ONECUT3: variants seen among roughly 807,000 people sequenced by gnomAD.
The protein encoded by ONECUT3 is one cut domain family member 3.
ONECUT3 carries 11 observed loss-of-function variants against 16.8 expected under a neutral mutation model. The ratio of observed to expected loss-of-function variants is 0.66; its 90% CI spans 0.41 to 1.09. The LOEUF (loss-of-function observed/expected upper bound fraction) is 1.09, where lower values mean the gene tolerates loss of function less well. Among genes scored for constraint, ONECUT3 ranks in the 50% least tolerant of loss-of-function variants. The pLI, the probability that ONECUT3 is intolerant of heterozygous loss-of-function variation, is 0.00. For missense variants in ONECUT3, 637 were observed against 629.9 expected, an observed-to-expected ratio of 1.01 and a Z score of -0.12; for synonymous variants, 344 against 310.7, an observed-to-expected ratio of 1.11 and a Z score of -1.13.
In ONECUT3 at chr19:1,758,619, C is replaced by T. The variant is rs1417528874; in HGVS notation, c.1192+3765C>T. On this transcript the variant is annotated intron_variant, in intron 1 of 1. Transcript: ENST00000382349. The surrounding 1 kb of genome is among the most constrained non-coding windows in gnomAD (Gnocchi z 5.9). ...TTCTGGACCCCGTCGTCTGGGAGTCCTGCAGCCCCCAAGCCCATTCCCATG... is the reference window on the plus strand; with the variant it reads ...TTCTGGACCCCGTCGTCTGGGAGTCTTGCAGCCCCCAAGCCCATTCCCATG... Among the ~76,000 whole-genome samples, 1 of 152,184 alleles carries T rather than the reference C, an allele frequency of 6.6e-6. No individual in the cohort carries two copies. The highest frequency in any genetic ancestry group is 1.5e-5 in the Non-Finnish European group (1 of 68,044).
chr19:1,759,058 G>A lies in ONECUT3; in HGVS notation c.1192+4204G>A, dbSNP rs897733151. Among the ~76,000 whole-genome samples the A allele has an allele frequency of 1.3e-5, 2 of 152,188 alleles. No homozygotes were observed. Among genetic ancestry groups the A allele is most frequent in the Non-Finnish European group, 2.9e-5 (2 of 67,978 alleles). On this transcript the variant is annotated intron_variant, in intron 1 of 1. Transcript: ENST00000382349. This position sits in a 1 kb window ranked among gnomAD's most constrained non-coding sequence, Gnocchi z 4.1. ...AGGGATGGTGGAGCCCAGCATGGAG[G>A]AAACTGAGGCAGGGAGGACCCCCCA...
rs1002594731 is a variant in ONECUT3, at chr19:1,777,657, G to A, written c.*2212G>A. 1 of 152,160 alleles carries A rather than the reference G, an allele frequency of 6.6e-6. No homozygotes were observed. Among genetic ancestry groups the A allele is most frequent in the Non-Finnish European group, 1.5e-5 (1 of 68,054 alleles). 9.4% of individuals were successfully genotyped at this position (152,160 alleles called of 1,614,324 possible). A position where few individuals can be genotyped will look rare whatever the true frequency, so the allele number is the denominator to read the frequency against. The stretch of plus-strand genomic sequence containing the variant: ...TCCAGGCCGGACTGACGTAGCCTAT[G>A]GGCCCAGCAGGTCCAGGGCCCACGT... On this transcript the variant is annotated 3_prime_UTR_variant, in exon 2 of 2. Transcript: ENST00000382349.
chr19:1,753,693 C>G lies in ONECUT3; in HGVS notation c.31C>G (p.Leu11Val). 1 of 1,050,118 alleles carries G rather than the reference C, an allele frequency of 9.5e-7. No homozygotes were observed. The highest frequency in any genetic ancestry group is 1.7e-5 in the African/African-American group (1 of 58,222). 65.1% of individuals were successfully genotyped at this position (1,050,118 alleles called of 1,614,324 possible). Residue 11 changes from leucine to valine, a missense_variant, in exon 1 of 2, where the codon CTG (leucine) becomes GTG (valine). By Grantham distance (32) the Leu-to-Val change is conservative. Around this residue, in one of 3 missense-constraint regions of ONECUT3, gnomAD observed 419 missense variants for 377.9 expected, o/e 1.11. Coordinates refer to ENST00000382349, the MANE Select transcript of ONECUT3 (RefSeq NM_001080488.2). Reference protein sequence around the residue: MELSLESLGGLHSVAHAQAGE... With the variant: MELSLESLGGVHSVAHAQAGE... ...GCTGAGCCTGGAGAGCCTGGGGGGC[C>G]TGCACAGCGTGGCCCACGCGCAGGC...
Position 1,775,441 on chromosome 19 carries a change from C to G in ONECUT3, c.1481C>G (p.Ala494Gly). The change falls in exon 2 of 2, where the codon GCC becomes GGC. Residue 494 changes from alanine (A) to glycine (G), a missense_variant. Around this residue, in one of 3 missense-constraint regions of ONECUT3, gnomAD observed 183 missense variants for 188.3 expected, o/e 0.97. Transcript: ENST00000382349. ...PAGATATFSK[A>G] ...GGCGCCACGGCCACTTTCTCCAAGG[C>G]CTGAGGCGCCCCGGCCCCGCGCCCT... is the stretch of plus-strand genomic sequence containing the variant. The G allele has an allele frequency of 6.7e-7, 1 of 1,489,236 alleles. No homozygotes were observed. Among genetic ancestry groups the G allele is most frequent in the Non-Finnish European group, 8.9e-7 (1 of 1,124,626 alleles). The allele number at this position is 1,489,236 out of a possible 1,614,324, so 92.3% of individuals were successfully genotyped here.
rs1278581192 is a variant in ONECUT3, at chr19:1,764,334, C to A, written c.1192+9480C>A. Among the ~76,000 whole-genome samples the A allele has an allele frequency of 6.6e-6, 1 of 152,168 alleles. No individual in the cohort carries two copies. Among genetic ancestry groups the A allele is most frequent in the Non-Finnish European group, 1.5e-5 (1 of 68,032 alleles). ...ACGAGGGAGGGACAGCCCGAGAGTC[C>A]AAGTGGAAATGCGTTTCCCGGTTAA... On this transcript the variant is annotated intron_variant, in intron 1 of 1. Coordinates refer to ENST00000382349, the MANE Select transcript of ONECUT3 (RefSeq NM_001080488.2). The surrounding 1 kb of genome is among the most constrained non-coding windows in gnomAD (Gnocchi z 5.0).
At chr19:1,767,204 C>T (rs924857762) in intron 1 of ONECUT3, among the ~76,000 whole-genome samples, 4 of 152,146 alleles carry the variant, frequency 2.6e-5, no homozygotes, top group South Asian at 2.1e-4. Context: ...AGGCAAGTGT[C>T]GCCCAGAGCC....
rs948858170 is a variant in ONECUT3, at chr19:1,762,801, G to A, written c.1192+7947G>A. Among the ~76,000 whole-genome samples, 1 of 142,016 alleles carries A rather than the reference G, an allele frequency of 7.0e-6. No homozygotes were observed. Among genetic ancestry groups the A allele is most frequent in the Non-Finnish European group, 1.5e-5 (1 of 66,860 alleles). 93.2% of individuals were successfully genotyped at this position (142,016 alleles called of 152,430 possible). ...CCAGGCGCGAGTGTTCTTCTTCCTT[G>A]TCTGGCGCCCCAGAACCGCGGCCGT... On this transcript the variant is annotated intron_variant, in intron 1 of 1. Coordinates refer to ENST00000382349, the MANE Select transcript of ONECUT3 (RefSeq NM_001080488.2). This position sits in a 1 kb window ranked among gnomAD's most constrained non-coding sequence, Gnocchi z 4.4.
chr19:1,772,982 C>T (rs10413379), intron 1 of ONECUT3, among the ~76,000 whole-genome samples: 5,888 of 151,252 alleles, frequency 0.039, 383 homozygotes, highest in African/African-American at 0.14. Flanking sequence ...GGATTACAGG[C>T]GTGAGCCACC....
rs2067907249 is a variant in ONECUT3, at chr19:1,754,622, G to A, written c.960G>A (p.Glu320=). 1 of 1,476,400 alleles carries A rather than the reference G, an allele frequency of 6.8e-7. No homozygotes were observed. Among genetic ancestry groups the A allele is most frequent in the South Asian group, 1.3e-5 (1 of 78,242 alleles). 91.5% of individuals were successfully genotyped at this position (1,476,400 alleles called of 1,614,324 possible). A position where few individuals can be genotyped will look rare whatever the true frequency, so the allele number is the denominator to read the frequency against. The change falls in exon 1 of 2, where the codon GAG becomes GAA. Residue 320 remains glutamate (E), a synonymous_variant. Transcript: ENST00000382349. The surrounding 1 kb of genome is among the most constrained non-coding windows in gnomAD (Gnocchi z 7.4). ...CCAGCGCGGGCGCAGCGGCCGAGGA[G>A]ATCAACACCAAGGAGGTGGCGCAGC... ...GGPSAGAAAE[E]INTKEVAQRI...
rs764212196 is a variant in ONECUT3, at chr19:1,754,727, G to A, written c.1065G>A (p.Thr355=). Residue 355 remains threonine (T), a synonymous_variant, in exon 1 of 2, where the codon ACG becomes ACA. Transcript: ENST00000382349. The surrounding 1 kb of genome is among the most constrained non-coding windows in gnomAD (Gnocchi z 7.4). ...GGATCCTGTGTCGCTCTCAGGGCACGCTCTCCGACCTGCTGCGCAACCCCA... is the reference window on the plus strand; with the variant it reads ...GGATCCTGTGTCGCTCTCAGGGCACACTCTCCGACCTGCTGCGCAACCCCA... ...AQRILCRSQG[T]LSDLLRNPKP... is the part of the protein sequence containing the mutation. 2 of 1,551,494 alleles carry A rather than the reference G, an allele frequency of 1.3e-6. No homozygotes were observed. Among genetic ancestry groups the A allele is most frequent in the African/African-American group, 1.4e-5 (1 of 71,708 alleles).
rs2068140459 is a variant in ONECUT3, at chr19:1,779,677, T to TGGGGGGC, written c.*4241_*4247dup. 9.9e-6 allele frequency: 1 copy of TGGGGGGC among 100,978 alleles called. No homozygotes were observed. Among genetic ancestry groups the TGGGGGGC allele is most frequent in the Non-Finnish European group, 2.0e-5 (1 of 49,340 alleles). The allele number at this position is 100,978 out of a possible 1,614,324, so 6.3% of individuals were successfully genotyped here. On this transcript the variant is annotated 3_prime_UTR_variant, in exon 2 of 2. Coordinates refer to ENST00000382349, the MANE Select transcript of ONECUT3 (RefSeq NM_001080488.2). ...GCTAATTGTAATAAAGTGGTCAGGG[T>TGGGGGGC]GGGGGGCGGGGGGCGTGGCCCGGTT...
chr19:1,769,298 T>C (rs1600353635), intron 1 of ONECUT3, among the ~76,000 whole-genome samples: 3 of 150,216 alleles, frequency 2.0e-5, no homozygotes, highest in African/African-American at 7.4e-5. Flanking sequence ...GAGGGTGTGA[T>C]GGGATAGCAC....
chr19:1,773,185 T>C (rs1312405941), intron 1 of ONECUT3, among the ~76,000 whole-genome samples: 6 of 152,092 alleles, frequency 3.9e-5, no homozygotes, highest in African/African-American at 1.4e-4. Context: ...AATTATAGCT[T>C]TGCCTGCCTT....
At chr19:1,756,686 C>T (rs990739702) in intron 1 of ONECUT3, among the ~76,000 whole-genome samples, 3 of 146,518 alleles carry the variant, frequency 2.0e-5, no homozygotes, top group Non-Finnish European at 3.0e-5. Flanking sequence ...CCCGCCACCA[C>T]GCCTGGCTAT....
rs1321419280 is a variant in ONECUT3, at chr19:1,764,524, G to T, written c.1192+9670G>T. Among the ~76,000 whole-genome samples the T allele has an allele frequency of 6.6e-6, 1 of 151,972 alleles. No homozygotes were observed. The highest frequency in any genetic ancestry group is 1.5e-5 in the Non-Finnish European group (1 of 67,976). On this transcript the variant is annotated intron_variant, in intron 1 of 1. Coordinates refer to ENST00000382349, the MANE Select transcript of ONECUT3 (RefSeq NM_001080488.2). The surrounding 1 kb of genome is among the most constrained non-coding windows in gnomAD (Gnocchi z 5.0). ...GAGATGTGGGCAGGGCAGGCATGGG[G>T]AGGGTAAGCCACCCAGAGTGGAGGG...
intron 1 of ONECUT3, among the ~76,000 whole-genome samples, chr19:1,761,704 G>A (rs943734588): frequency 1.3e-5 from 2 of 152,068 alleles, no homozygotes; most frequent in Non-Finnish European, 2.9e-5. Flanking sequence ...AGGGAGGGAA[G>A]CACTGGTGGG....
Position 1,758,514 on chromosome 19 carries a change from T to C in ONECUT3, c.1192+3660T>C, listed in dbSNP as rs907764288. On this transcript the variant is annotated intron_variant, in intron 1 of 1. Coordinates refer to ENST00000382349, the MANE Select transcript of ONECUT3 (RefSeq NM_001080488.2). This position sits in a 1 kb window ranked among gnomAD's most constrained non-coding sequence, Gnocchi z 5.9. Reference sequence around the variant, plus strand: ...GCAGACCTCGGAGTCCCGGCCCCACTGCCCGTTCTGCGTGCCTCAGTTTAC... The same window carrying C: ...GCAGACCTCGGAGTCCCGGCCCCACCGCCCGTTCTGCGTGCCTCAGTTTAC... Among the ~76,000 whole-genome samples the C allele has an allele frequency of 2.0e-5, 3 of 152,098 alleles. No homozygotes were observed. The highest frequency in any genetic ancestry group is 4.4e-5 in the Non-Finnish European group (3 of 68,008).
chr19:1,763,930 C>G (rs1049008656), intron 1 of ONECUT3, among the ~76,000 whole-genome samples: 1 of 152,128 alleles, frequency 6.6e-6, no homozygotes, highest in Non-Finnish European at 1.5e-5. Flanking sequence ...TTCGCGGTCA[C>G]CATAGCGGCT....
rs2145970780 is a variant in ONECUT3 at position 1,777,417 on chromosome 19, AAGACACGCATGC to A, written c.*1975_*1986del. The A allele has an allele frequency of 6.7e-6, 1 of 149,596 alleles. No homozygotes were observed. The highest frequency in any genetic ancestry group is 6.6e-5 in the Admixed American group (1 of 15,102). 9.3% of individuals were successfully genotyped at this position (149,596 alleles called of 1,614,324 possible). A position where few individuals can be genotyped will look rare whatever the true frequency, so the allele number is the denominator to read the frequency against. On this transcript the variant is annotated 3_prime_UTR_variant, in exon 2 of 2. Coordinates refer to ENST00000382349, the MANE Select transcript of ONECUT3 (RefSeq NM_001080488.2). ...ACGCAGGCACACATGCACACATGCA[AAGACACGCATGC>A]AGGCACACGCAGACGCACACAGAGA...
Sources: allele counts gnomAD v4.1 joint callset (sites outside exome capture counted in the v4.1 genomes callset), GRCh38; gene constraint gnomAD v4.1.1; regional missense constraint gnomAD v4.1.1; non-coding constraint Gnocchi (gnomAD v3.1); transcripts MANE v1.5; gene names NCBI Gene and HGNC (gene_info 2026-07-23, HGNC 2026-07-21).